Variants in TMC1 observed in about 807,000 individuals in gnomAD.
TMC1 encodes transmembrane channel-like protein 1.
TMC1 carries 84 observed loss-of-function variants against 105.8 expected under a neutral mutation model. The observed-to-expected ratio is 0.79, with a 90% confidence interval of 0.67 to 0.95. TMC1 has a LOEUF of 0.95. TMC1 is among the 40% of genes least tolerant of loss of function. TMC1 has a pLI of 0.00. For synonymous variants in TMC1, 315 were observed against 311.5 expected, an observed-to-expected ratio of 1.01 and a Z score of -0.12; for missense variants, 817 against 914.1, an observed-to-expected ratio of 0.89 and a Z score of 1.37.
At chr9:72,830,579 A>T in intron 22 of TMC1, 50 bp downstream of exon 22, 1 of 1,600,794 alleles carries the variant, frequency 6.2e-7, no homozygotes. Context: ...AATGTCAAGC[A>T]GTAGAAAACA....
chr9:72,817,497 C>A (rs2118288568), intron 19 of TMC1, among the ~76,000 whole-genome samples: 1 of 152,194 alleles, frequency 6.6e-6, no homozygotes, highest in Non-Finnish European at 1.5e-5. Flanking sequence ...GTTCAATTTG[C>A]TGTTATGGCA....
intron 18 of TMC1, among the ~76,000 whole-genome samples, chr9:72,806,836 G>T (rs1241896229): frequency 6.6e-6 from 1 of 152,164 alleles, no homozygotes; most frequent in African/African-American, 2.4e-5. Flanking sequence ...GCCAGGCAGA[G>T]ACGCTCCTCA....
chr9:72,738,007 T>C (rs1827327733), intron 8 of TMC1, among the ~76,000 whole-genome samples: 1 of 152,204 alleles, frequency 6.6e-6, no homozygotes, highest in African/African-American at 2.4e-5. Flanking sequence ...CTTTCAAGCA[T>C]TAATTATTGT....
chr9:72,642,605 A>G (rs535633262), intron 4 of TMC1, among the ~76,000 whole-genome samples: 5 of 152,370 alleles, frequency 3.3e-5, no homozygotes, highest in African/African-American at 1.2e-4. Context: ...GAAAAGTCAG[A>G]AATCCAAAAA....
rs66682329 is a variant in TMC1, at chr9:72,602,366, ATTT to A, written c.-305-13978_-305-13976del. ...ACTTGCTGTGATTCTCCTATTGGTG[ATTT>A]TTTTTTTTTTTTTTTTTTTTTTTGA... On this transcript the variant is annotated intron_variant, in intron 2 of 23. Coordinates refer to ENST00000297784, the MANE Select transcript of TMC1 (RefSeq NM_138691.3). 2.7e-3 allele frequency among the ~76,000 whole-genome samples: 230 copies of A among 86,550 alleles called. 1 individual carries two copies. Among genetic ancestry groups the A allele is most frequent in the African/African-American group, 9.8e-3 (197 of 20,004 alleles). 56.8% of individuals were successfully genotyped at this position (86,550 alleles called of 152,430 possible).
At chr9:72,745,027 A>G (rs13299199) in intron 10 of TMC1, among the ~76,000 whole-genome samples, 9,542 of 152,276 alleles carry the variant, frequency 0.063, 322 homozygotes, top group African/African-American at 0.08. Context: ...AGGCAAATGT[A>G]GATTATTTTT....
At chr9:72,594,194 G>C (rs1034356451) in intron 2 of TMC1, among the ~76,000 whole-genome samples, 5 of 152,200 alleles carry the variant, frequency 3.3e-5, no homozygotes, top group African/African-American at 9.6e-5. Context: ...TGAGACAGCA[G>C]AAGACCTGAA....
chr9:72,536,140 A>G (rs1414866799), intron 1 of TMC1, among the ~76,000 whole-genome samples: 1 of 152,220 alleles, frequency 6.6e-6, no homozygotes, highest in Non-Finnish European at 1.5e-5. Context: ...TCAAAAGTCC[A>G]AAGTCCAAAG....
At chr9:72,823,744 G>C (rs1189291202) in intron 20 of TMC1, among the ~76,000 whole-genome samples, 2 of 152,078 alleles carry the variant, frequency 1.3e-5, no homozygotes, top group Non-Finnish European at 2.9e-5. Flanking sequence ...CAATAATTCT[G>C]AACAATTTAT....
chr9:72,523,471 T>C (rs1823350026), intron 1 of TMC1, among the ~76,000 whole-genome samples: 1 of 152,204 alleles, frequency 6.6e-6, no homozygotes, highest in Non-Finnish European at 1.5e-5. Flanking sequence ...TTTTATGTAT[T>C]ATACACTGTA....
chr9:72,792,378 G>A (rs757649653), intron 17 of TMC1, 26 bp downstream of exon 17: 5 of 1,613,622 alleles, frequency 3.1e-6, no homozygotes, highest in Non-Finnish European at 4.2e-6. Context: ...GAAGTGTATG[G>A]CAATTAGTAG....
intron 17 of TMC1, among the ~76,000 whole-genome samples, chr9:72,804,669 C>A (rs1828538579): frequency 6.6e-6 from 1 of 152,202 alleles, no homozygotes; most frequent in Non-Finnish European, 1.5e-5. Flanking sequence ...CTTGATCAAG[C>A]TCCAAACACT....
At chr9:72,632,881 G>T (rs1412453148) in intron 4 of TMC1, among the ~76,000 whole-genome samples, 3 of 152,018 alleles carry the variant, frequency 2.0e-5, no homozygotes, top group Non-Finnish European at 4.4e-5. Context: ...AAACATATCT[G>T]CATGCTTTAC....
At chr9:72,552,322 T>C (rs886418581) in intron 1 of TMC1, among the ~76,000 whole-genome samples, 2 of 152,122 alleles carry the variant, frequency 1.3e-5, no homozygotes, top group African/African-American at 4.8e-5. Context: ...CCCCCTGCTG[T>C]CACTCCCTGA....
chr9:72,724,350 T>A (rs1827080393), intron 8 of TMC1, among the ~76,000 whole-genome samples: 1 of 152,176 alleles, frequency 6.6e-6, no homozygotes. Flanking sequence ...GCTGTATTTA[T>A]CTTTTTATCA....
At position 72,711,434 on chromosome 9, in the gene TMC1, T is replaced by C. The variant is rs552566993; in HGVS notation, c.362+10791T>C. 2.0e-5 allele frequency among the ~76,000 whole-genome samples: 3 copies of C among 152,334 alleles called. No homozygotes were observed. In the South Asian group the frequency reaches 6.2e-4, roughly 32 times the overall value. On this transcript the variant is annotated intron_variant, in intron 8 of 23. Coordinates refer to ENST00000297784, the MANE Select transcript of TMC1 (RefSeq NM_138691.3). ...CCACATCCTCTCCAGCACCTGTTGTTTCCTGACTTTTTAATGATCACCATT... is the reference window on the plus strand; with the variant it reads ...CCACATCCTCTCCAGCACCTGTTGTCTCCTGACTTTTTAATGATCACCATT...
At chr9:72,790,512 G>T (rs1451987398) in intron 15 of TMC1, among the ~76,000 whole-genome samples, 1 of 152,138 alleles carries the variant, frequency 6.6e-6, no homozygotes, top group Non-Finnish European at 1.5e-5. Flanking sequence ...TCTCATAATT[G>T]TAATAGTACA....
chr9:72,667,808 AG>A (rs1220986688), intron 5 of TMC1, among the ~76,000 whole-genome samples: 1 of 152,226 alleles, frequency 6.6e-6, no homozygotes, highest in East Asian at 1.9e-4. Flanking sequence ...AATTAAGAAG[AG>A]CCATTGATTT....
chr9:72,613,139 T>C (rs952124288), intron 2 of TMC1, among the ~76,000 whole-genome samples: 2 of 151,800 alleles, frequency 1.3e-5, no homozygotes, highest in African/African-American at 4.8e-5. Context: ...GTGATTTTTT[T>C]TTTTTTTTTT....
Sources: gnomAD v4.1 joint callset for allele counts (sites outside exome capture counted in the v4.1 genomes callset) on GRCh38, gnomAD v4.1.1 for gene constraint, MANE v1.5 for transcripts, NCBI Gene and HGNC (gene_info 2026-07-23, HGNC 2026-07-21) for gene names.